The following BCKDHB variants were observed in gnomAD, a reference collection of about 807,000 sequenced individuals.
BCKDHB encodes branched chain keto acid dehydrogenase E1 subunit beta.
BCKDHB carries 41 observed loss-of-function variants against 48.5 expected under a neutral mutation model. The ratio of observed to expected loss-of-function variants is 0.85; its 90% CI spans 0.66 to 1.10. BCKDHB has a LOEUF of 1.10. Among genes scored for constraint, BCKDHB ranks in the 50% least tolerant of loss-of-function variants. BCKDHB has a pLI of 0.00. For missense variants in BCKDHB, 496 were observed against 494.2 expected (o/e 1.00, Z -0.03); for synonymous variants, 201 against 174.8 (o/e 1.15, Z -1.18).
At chr6:80,302,209 T>A (rs1165137387) in intron 9 of BCKDHB, among the ~76,000 whole-genome samples, 2 of 152,140 alleles carry the variant, frequency 1.3e-5, no homozygotes, top group East Asian at 3.9e-4. Flanking sequence ...GAAATCAAAC[T>A]GGCTCTCTTC....
intron 3 of BCKDHB, among the ~76,000 whole-genome samples, chr6:80,164,072 GA>G (rs1157825681): frequency 6.6e-6 from 1 of 152,092 alleles, no homozygotes; most frequent in Non-Finnish European, 1.5e-5. Flanking sequence ...GGATCCTGTT[GA>G]AATGCAGCTC....
chr6:80,369,027 CAAAA>C, the BCKDHB span, among the ~76,000 whole-genome samples: 74 of 145,792 alleles, frequency 5.1e-4, no homozygotes, highest in Admixed American at 6.0e-4. Context: ...AAAAAAAAAA[CAAAA>C]GAAAAGAAAA....
chr6:80,185,999 G>A (rs1005726750), intron 6 of BCKDHB, among the ~76,000 whole-genome samples: 2 of 152,136 alleles, frequency 1.3e-5, no homozygotes, highest in Non-Finnish European at 2.9e-5. Flanking sequence ...CTTTTTTGGA[G>A]CAGGGTTATT....
At chr6:80,391,357 G>A in the BCKDHB span, among the ~76,000 whole-genome samples, 3 of 152,146 alleles carry the variant, frequency 2.0e-5, no homozygotes, top group Non-Finnish European at 2.9e-5. Context: ...GAGAGGTGAA[G>A]CAAATACTGG....
At chr6:80,388,854 A>G in the BCKDHB span, among the ~76,000 whole-genome samples, 13 of 152,230 alleles carry the variant, frequency 8.5e-5, no homozygotes, top group African/African-American at 3.1e-4. Flanking sequence ...GAAGGACAGC[A>G]GTGAAGAGAA....
At chr6:80,113,948 TACTCCTATGCAAATGAAG>T (rs1479127756) in intron 1 of BCKDHB, among the ~76,000 whole-genome samples, 1 of 152,200 alleles carries the variant, frequency 6.6e-6, no homozygotes, top group Non-Finnish European at 1.5e-5. Context: ...TACAAAGTTA[TACTCCTATGCAAATGAAG>T]ACTTGGCCCA....
chr6:80,430,294 G>A, the BCKDHB span, among the ~76,000 whole-genome samples: 9 of 152,232 alleles, frequency 5.9e-5, no homozygotes, highest in South Asian at 1.2e-3. Flanking sequence ...TTTCTGCGTT[G>A]ATGTTCATTA....
chr6:80,420,807 G>T, the BCKDHB span, among the ~76,000 whole-genome samples: 2 of 152,122 alleles, frequency 1.3e-5, no homozygotes, highest in African/African-American at 4.8e-5. Context: ...TGGGCCTTTT[G>T]GGCAGTGTCC....
intron 3 of BCKDHB, among the ~76,000 whole-genome samples, chr6:80,164,376 T>C (rs367895852): frequency 6.6e-6 from 1 of 152,210 alleles, no homozygotes; most frequent in Non-Finnish European, 1.5e-5. Flanking sequence ...GATATATGCA[T>C]GGTACACATC....
chr6:80,407,839 C>G, the BCKDHB span, among the ~76,000 whole-genome samples: 2 of 152,052 alleles, frequency 1.3e-5, no homozygotes, highest in African/African-American at 2.4e-5. Context: ...AATTGAATAC[C>G]CTTTATTTCT....
chr6:80,357,830 G>C, the BCKDHB span, among the ~76,000 whole-genome samples: 1 of 152,210 alleles, frequency 6.6e-6, no homozygotes, highest in East Asian at 1.9e-4. Flanking sequence ...TGACCCAGCT[G>C]TTGTTGAGCT....
chr6:80,466,451 A>G, the BCKDHB span, among the ~76,000 whole-genome samples: 1 of 152,158 alleles, frequency 6.6e-6, no homozygotes, highest in Admixed American at 6.5e-5. Context: ...ATAGTTAATA[A>G]AAATATATTA....
intron 8 of BCKDHB, among the ~76,000 whole-genome samples, chr6:80,245,852 G>A (rs979733771): frequency 6.6e-6 from 1 of 152,144 alleles, no homozygotes; most frequent in African/African-American, 2.4e-5. Flanking sequence ...GAGGCAGGTG[G>A]ATCACTTAAG....
At chr6:80,371,352 ATTTG>A in the BCKDHB span, among the ~76,000 whole-genome samples, 3 of 151,410 alleles carry the variant, frequency 2.0e-5, no homozygotes, top group African/African-American at 7.3e-5. Context: ...TTTCTTGCTG[ATTTG>A]TTTGAGTTCC....
chr6:80,186,564 G>C (rs1582311376), intron 6 of BCKDHB, among the ~76,000 whole-genome samples: 2 of 152,212 alleles, frequency 1.3e-5, no homozygotes, highest in African/African-American at 4.8e-5. Flanking sequence ...TGTGGCTTCT[G>C]TGCTTGTATC....
intron 6 of BCKDHB, among the ~76,000 whole-genome samples, chr6:80,173,633 C>A (rs754429355): frequency 6.6e-6 from 1 of 152,090 alleles, no homozygotes; most frequent in Non-Finnish European, 1.5e-5. Context: ...CTCAAGTTTG[C>A]GAAACACTGC....
At chr6:80,322,221 TTTTC>T (rs1768767013) in intron 9 of BCKDHB, among the ~76,000 whole-genome samples, 2 of 147,046 alleles carry the variant, frequency 1.4e-5, no homozygotes, top group African/African-American at 5.0e-5. Context: ...GACATAGGCG[TTTTC>T]TTTCTTTCTT....
chr6:80,328,591 T>C lies in BCKDHB; in HGVS notation c.1039-15073T>C, dbSNP rs139063049. 1.7e-3 allele frequency among the ~76,000 whole-genome samples: 255 copies of C among 152,300 alleles called. 2 individuals are homozygous for C. Among genetic ancestry groups the C allele is most frequent in the African/African-American group, 5.9e-3 (246 of 41,566 alleles). ...GCGACATAGTAGAATTTTCAAACAA[T>C]CAGAAATCTCATAAATCGGAATCTA... is the stretch of plus-strand genomic sequence containing the variant. On this transcript the variant is annotated intron_variant, in intron 9 of 9. Transcript: ENST00000320393.
chr6:80,225,297 A>G (rs980265309), intron 8 of BCKDHB, among the ~76,000 whole-genome samples: 4 of 152,170 alleles, frequency 2.6e-5, no homozygotes, highest in Admixed American at 1.3e-4. Context: ...AGAAGGAGAT[A>G]TATACTTTCT....
Sources: gnomAD v4.1 joint callset for allele counts (sites outside exome capture counted in the v4.1 genomes callset) on GRCh38, gnomAD v4.1.1 for gene constraint, MANE v1.5 for transcripts, NCBI Gene and HGNC (gene_info 2026-07-23, HGNC 2026-07-21) for gene names.